Variants in EPYC observed in about 807,000 individuals in gnomAD.
EPYC encodes the protein epiphycan, also known as dermatan sulfate proteoglycan 3.
In EPYC, 28 loss-of-function variants were observed where a neutral mutation model predicts 30.1. The observed-to-expected ratio is 0.93, with a 90% CI of 0.69 to 1.28. The LOEUF is 1.28. Among genes scored for constraint, EPYC ranks in the 50% most tolerant of loss-of-function variants. The pLI is 0.00. For synonymous variants in EPYC, 144 were observed against 141.4 expected, an observed-to-expected ratio of 1.02 and a Z score of -0.13; for missense variants, 382 against 383.5, an observed-to-expected ratio of 1.00 and a Z score of 0.03.
At chr12:90,997,643 G>A (rs1306559107) in intron 2 of EPYC, among the ~76,000 whole-genome samples, 1 of 151,876 alleles carries the variant, frequency 6.6e-6, no homozygotes, top group Non-Finnish European at 1.5e-5. Flanking sequence ...AACCCTTTAA[G>A]GCACATGGAA....
At chr12:90,969,090 T>G (rs1876970585) in intron 6 of EPYC, among the ~76,000 whole-genome samples, 1 of 151,410 alleles carries the variant, frequency 6.6e-6, no homozygotes, top group Admixed American at 6.6e-5. Context: ...TGAAAATATT[T>G]ATATTAATAG....
At chr12:90,979,416 G>A (rs1877272624) in intron 2 of EPYC, among the ~76,000 whole-genome samples, 1 of 152,104 alleles carries the variant, frequency 6.6e-6, no homozygotes, top group Non-Finnish European at 1.5e-5. Context: ...TTAATACCAA[G>A]TGATCTGCAA....
intron 2 of EPYC, among the ~76,000 whole-genome samples, chr12:90,978,865 T>C (rs1305149862): frequency 6.6e-6 from 1 of 152,128 alleles, no homozygotes; most frequent in Non-Finnish European, 1.5e-5. Context: ...AAAACTATGA[T>C]TTGATTGTGA....
intron 3 of EPYC, 34 bp from the exon 4 acceptor site, chr12:90,973,014 G>T: frequency 7.1e-7 from 1 of 1,416,018 alleles, no homozygotes; most frequent in Non-Finnish European, 9.7e-7. Context: ...TTAAATGTAA[G>T]TACCAAATCA....
intron 4 of EPYC, 60 bp downstream of exon 4, chr12:90,972,762 A>G (rs1877083255): frequency 1.4e-6 from 2 of 1,420,334 alleles, no homozygotes; most frequent in Admixed American, 4.0e-5. Flanking sequence ...ACATTTAACA[A>G]TGTAAAAATT....
intron 6 of EPYC, among the ~76,000 whole-genome samples, chr12:90,969,488 G>T (rs1876980404): frequency 6.7e-6 from 1 of 150,054 alleles, no homozygotes; most frequent in South Asian, 2.1e-4. Context: ...AGCTTAATGG[G>T]CTTTAAAATA....
chr12:90,973,171 AT>A (rs1415994482), intron 3 of EPYC, among the ~76,000 whole-genome samples, 191 bp from the exon 4 acceptor site: 5 of 151,430 alleles, frequency 3.3e-5, no homozygotes, highest in African/African-American at 1.2e-4. Flanking sequence ...CAATTAGTAT[AT>A]TCAATGTAAC....
chr12:90,984,062 C>T (rs755373202), intron 2 of EPYC, among the ~76,000 whole-genome samples: 29 of 152,104 alleles, frequency 1.9e-4, no homozygotes, highest in Non-Finnish European at 3.5e-4. Context: ...CCCTGGAGAT[C>T]CCATCCCTCC....
At chr12:90,983,487 G>A (rs1037825786) in intron 2 of EPYC, among the ~76,000 whole-genome samples, 3 of 152,086 alleles carry the variant, frequency 2.0e-5, no homozygotes, top group Admixed American at 2.0e-4. Flanking sequence ...CTGACTCTTC[G>A]GAGTTGAGAG....
intron 2 of EPYC, among the ~76,000 whole-genome samples, chr12:90,981,373 T>A (rs191061100): frequency 2.0e-5 from 3 of 152,248 alleles, no homozygotes; most frequent in Admixed American, 2.0e-4. Flanking sequence ...CTGCAGAAAA[T>A]CATCCAATTA....
chr12:90,984,391 G>A (rs966224243), intron 2 of EPYC, among the ~76,000 whole-genome samples: 6 of 152,082 alleles, frequency 3.9e-5, no homozygotes, highest in Non-Finnish European at 8.8e-5. Context: ...AAACATTCAG[G>A]CATCAACAGG....
intron 2 of EPYC, among the ~76,000 whole-genome samples, chr12:90,983,957 AG>A (rs1047331418): frequency 5.3e-5 from 8 of 152,232 alleles, no homozygotes; most frequent in Non-Finnish European, 1.0e-4. Flanking sequence ...GCCTAACAAA[AG>A]CTATTCCTAA....
At chr12:90,973,415 A>C (rs1877103019) in intron 3 of EPYC, among the ~76,000 whole-genome samples, 1 of 152,214 alleles carries the variant, frequency 6.6e-6, no homozygotes, top group South Asian at 2.1e-4. Flanking sequence ...CTTTCTATGT[A>C]AATGGCACCA....
At chr12:90,989,242 C>CT (rs892056016) in intron 2 of EPYC, among the ~76,000 whole-genome samples, 7 of 151,802 alleles carry the variant, frequency 4.6e-5, no homozygotes, top group African/African-American at 1.7e-4. Flanking sequence ...CCTCTGATTT[C>CT]TTTTTTATAA....
intron 3 of EPYC, among the ~76,000 whole-genome samples, chr12:90,975,332 C>A (rs1337617258): frequency 6.6e-6 from 1 of 151,760 alleles, no homozygotes; most frequent in African/African-American, 2.4e-5. Flanking sequence ...TATTTTAATT[C>A]TAAGTTTTTC....
At chr12:90,977,976 C>T in intron 3 of EPYC, 112 bp downstream of exon 3, 2 of 923,308 alleles carry the variant, frequency 2.2e-6, no homozygotes, top group South Asian at 5.9e-5. Context: ...CTAGCCTATT[C>T]CAAAACTTTT....
intron 2 of EPYC, among the ~76,000 whole-genome samples, chr12:90,979,489 T>C (rs1877273973): frequency 6.6e-6 from 1 of 152,172 alleles, no homozygotes; most frequent in Non-Finnish European, 1.5e-5. Context: ...GGTGTTTGAG[T>C]AACCAAAAAA....
intron 2 of EPYC, among the ~76,000 whole-genome samples, chr12:90,995,020 T>A (rs1039265737): frequency 6.6e-6 from 1 of 152,104 alleles, no homozygotes; most frequent in Admixed American, 6.6e-5. Flanking sequence ...TTACTAAAGA[T>A]GTATTTTTAT....
chr12:91,001,667 A>G (rs1877825231), intron 2 of EPYC, among the ~76,000 whole-genome samples: 1 of 152,138 alleles, frequency 6.6e-6, no homozygotes, highest in Non-Finnish European at 1.5e-5. Context: ...GCTACAGTGG[A>G]GTTCCAAACT....
Sources: allele counts gnomAD v4.1 joint callset (sites outside exome capture counted in the v4.1 genomes callset), GRCh38; gene constraint gnomAD v4.1.1; transcripts MANE v1.5; gene names NCBI Gene and HGNC (gene_info 2026-07-23, HGNC 2026-07-21).